CDC14A: variants seen among roughly 807,000 people sequenced by gnomAD.
CDC14A encodes the protein dual specificity protein phosphatase CDC14A.
CDC14A carries 53 observed loss-of-function variants against 74.4 expected under a neutral mutation model. The ratio of observed to expected loss-of-function variants is 0.71; its 90% CI spans 0.57 to 0.89. The LOEUF (loss-of-function observed/expected upper bound fraction) is 0.89. Ranked by LOEUF, CDC14A falls within the 40% of genes least tolerant of loss-of-function variation. The pLI, the probability that CDC14A is intolerant of heterozygous loss-of-function variation, is 0.00. For synonymous variants in CDC14A, 247 were observed against 258.4 expected (o/e 0.96, Z 0.43); for missense variants, 646 against 713.7 (o/e 0.91, Z 1.08).
intron 10 of CDC14A, among the ~76,000 whole-genome samples, chr1:100,477,564 T>C (rs1443592630): frequency 6.6e-6 from 1 of 151,760 alleles, no homozygotes; most frequent in Non-Finnish European, 1.5e-5. Context: ...CAAAAGAGGA[T>C]AGAAGTTGGA....
chr1:100,484,455 AG>A lies in CDC14A; in HGVS notation c.1137+5del. On this transcript the variant is annotated splice_donor_5th_base_variant and intron_variant, in intron 11 of 15. Transcript: ENST00000336454. ...AAACATGGAACGATTTGGAGAGGTA[AG>A]TTTTCCCTAGGAGATTCTATCTTCT... The A allele has an allele frequency of 6.3e-7, 1 of 1,594,730 alleles. No individual in the cohort carries two copies. The highest frequency in any genetic ancestry group is 8.5e-7 in the Non-Finnish European group (1 of 1,173,090).
chr1:100,489,905 C>T (rs1372323670), intron 11 of CDC14A, among the ~76,000 whole-genome samples: 1 of 152,138 alleles, frequency 6.6e-6, no homozygotes, highest in Non-Finnish European at 1.5e-5. Context: ...TCTGCTCTGG[C>T]ATTTTGTAGG....
chr1:100,466,256 CA>C (rs1667794946), intron 9 of CDC14A, among the ~76,000 whole-genome samples: 2 of 152,092 alleles, frequency 1.3e-5, no homozygotes, highest in South Asian at 4.1e-4. Flanking sequence ...GATAGACACC[CA>C]AATTGGTGAC....
intron 2 of CDC14A, among the ~76,000 whole-genome samples, chr1:100,355,187 T>C (rs1651716262): frequency 1.3e-5 from 2 of 152,246 alleles, no homozygotes; most frequent in Non-Finnish European, 2.9e-5. Flanking sequence ...GCAGTGTTTA[T>C]TGAGTGTTCA....
intron 2 of CDC14A, among the ~76,000 whole-genome samples, chr1:100,375,648 A>G (rs1342719615): frequency 6.6e-6 from 1 of 152,206 alleles, no homozygotes; most frequent in Non-Finnish European, 1.5e-5. Context: ...TCAGGAAACA[A>G]CAGGTGCTGG....
intron 9 of CDC14A, among the ~76,000 whole-genome samples, chr1:100,464,447 G>A (rs535566101): frequency 6.6e-6 from 1 of 152,264 alleles, no homozygotes; most frequent in South Asian, 2.1e-4. Context: ...CTTTTCCATT[G>A]CATTTTGTTC....
At chr1:100,369,078 CA>C (rs905153031) in intron 2 of CDC14A, among the ~76,000 whole-genome samples, 2 of 142,826 alleles carry the variant, frequency 1.4e-5, no homozygotes, top group Non-Finnish European at 3.0e-5. Flanking sequence ...TGTTTTTTGA[CA>C]TTTTTTTTTT....
chr1:100,399,232 C>A (rs1232090565), intron 4 of CDC14A, among the ~76,000 whole-genome samples: 1 of 152,026 alleles, frequency 6.6e-6, no homozygotes, highest in African/African-American at 2.4e-5. Context: ...TGCCATTTTG[C>A]TATTCAGGTG....
At chr1:100,418,639 A>G (rs1661846297) in intron 4 of CDC14A, among the ~76,000 whole-genome samples, 1 of 152,146 alleles carries the variant, frequency 6.6e-6, no homozygotes, top group African/African-American at 2.4e-5. Context: ...TTAGTCCTAG[A>G]GTACGGTGAT....
intron 4 of CDC14A, among the ~76,000 whole-genome samples, chr1:100,417,235 C>T (rs1057126276): frequency 3.9e-5 from 6 of 152,276 alleles, no homozygotes; most frequent in Middle Eastern, 3.4e-3. Context: ...CTAAACACTG[C>T]GATGATGCAA....
At chr1:100,512,117 A>T (rs1209523444) in intron 15 of CDC14A, among the ~76,000 whole-genome samples, 1 of 151,960 alleles carries the variant, frequency 6.6e-6, no homozygotes, top group African/African-American at 2.4e-5. Context: ...CTCGATAGTT[A>T]TCTTTTTGAT....
intron 7 of CDC14A, among the ~76,000 whole-genome samples, chr1:100,446,142 TTCAAA>T (rs1240123684): frequency 1.3e-5 from 2 of 152,172 alleles, no homozygotes; most frequent in Non-Finnish European, 2.9e-5. Context: ...CAGTGTAGTT[TTCAAA>T]GCAAAATTTT....
intron 4 of CDC14A, among the ~76,000 whole-genome samples, chr1:100,402,004 C>T (rs1659326364): frequency 6.6e-6 from 1 of 151,490 alleles, no homozygotes; most frequent in Non-Finnish European, 1.5e-5. Context: ...CGCCATTGCA[C>T]TCCAGCCTGG....
intron 11 of CDC14A, among the ~76,000 whole-genome samples, chr1:100,491,572 A>ATTTTTTTT (rs59429516): frequency 3.6e-4 from 9 of 25,106 alleles, no homozygotes; most frequent in African/African-American, 1.4e-3. Context: ...ATATATATAT[A>ATTTTTTTT]TTTTTTTTTT....
chr1:100,394,829 C>T (rs1188253245), intron 4 of CDC14A, among the ~76,000 whole-genome samples: 2 of 152,178 alleles, frequency 1.3e-5, no homozygotes, highest in African/African-American at 4.8e-5. Context: ...AATTTTATGC[C>T]TTTCTTCGTA....
intron 10 of CDC14A, among the ~76,000 whole-genome samples, chr1:100,481,314 T>G (rs900602392): frequency 1.3e-5 from 2 of 152,096 alleles, no homozygotes; most frequent in African/African-American, 2.4e-5. Flanking sequence ...TTGTCCAGGA[T>G]GGAAGAAGGA....
intron 5 of CDC14A, among the ~76,000 whole-genome samples, chr1:100,435,276 A>G (rs943649554): frequency 2.0e-5 from 3 of 152,198 alleles, no homozygotes; most frequent in African/African-American, 7.2e-5. Flanking sequence ...AAGAGAAGAG[A>G]GCAAAGTAGG....
At chr1:100,513,282 C>A (rs1365360593) in intron 15 of CDC14A, among the ~76,000 whole-genome samples, 1 of 152,114 alleles carries the variant, frequency 6.6e-6, no homozygotes, top group Non-Finnish European at 1.5e-5. Context: ...ATATAAAATA[C>A]CATGTTGCCA....
At chr1:100,386,474 C>T (rs1445505578) in intron 3 of CDC14A, among the ~76,000 whole-genome samples, 2 of 152,096 alleles carry the variant, frequency 1.3e-5, no homozygotes, top group African/African-American at 4.8e-5. Flanking sequence ...TCATTGAAAG[C>T]CTGTGGCTAT....
Sources: allele counts gnomAD v4.1 joint callset (sites outside exome capture counted in the v4.1 genomes callset), GRCh38; gene constraint gnomAD v4.1.1; transcripts MANE v1.5; gene names NCBI Gene and HGNC (gene_info 2026-07-23, HGNC 2026-07-21).